HIP1: variants seen among roughly 807,000 people sequenced by gnomAD.
HIP1 encodes huntingtin interacting protein 1.
HIP1 carries 65 observed loss-of-function variants against 147.6 expected under a neutral mutation model. The ratio of observed to expected loss-of-function variants is 0.44; its 90% CI spans 0.36 to 0.54. The LOEUF (loss-of-function observed/expected upper bound fraction) is 0.54, where lower values mean the gene tolerates loss of function less well. Among genes scored for constraint, HIP1 ranks in the 20% least tolerant of loss-of-function variants. The pLI, the probability that HIP1 is intolerant of heterozygous loss-of-function variation, is 0.00. For synonymous variants in HIP1, 479 were observed against 504.0 expected (o/e 0.95, Z 0.67); for missense variants, 1,061 against 1,299.6 (o/e 0.82, Z 2.82).
chr7:75,540,915 A>C (rs1439263874), intron 29 of HIP1, among the ~76,000 whole-genome samples: 1 of 152,170 alleles, frequency 6.6e-6, no homozygotes, highest in Non-Finnish European at 1.5e-5. Context: ...GGATACTAAG[A>C]GATCCTGGAT....
At chr7:75,662,778 G>A (rs1271490246) in intron 1 of HIP1, among the ~76,000 whole-genome samples, 5 of 152,100 alleles carry the variant, frequency 3.3e-5, no homozygotes, top group East Asian at 3.9e-4. Flanking sequence ...AGTGAGCCAC[G>A]GTGCCTGGCC....
intron 1 of HIP1, among the ~76,000 whole-genome samples, chr7:75,684,918 C>T (rs1359938711): frequency 2.0e-5 from 3 of 151,694 alleles, no homozygotes; most frequent in Middle Eastern, 3.4e-3. Flanking sequence ...GGTGAAACCC[C>T]GTCTCTACTA....
rs1464467629 is a variant in HIP1, at chr7:75,623,477, G to C, written c.121-24230C>G. Among the ~76,000 whole-genome samples the C allele has an allele frequency of 3.3e-5, 5 of 152,322 alleles. No homozygotes were observed. In the East Asian group the frequency reaches 5.8e-4, roughly 18 times the overall value. On this transcript the variant is annotated intron_variant, in intron 1 of 30. Coordinates refer to ENST00000336926, the MANE Select transcript of HIP1 (RefSeq NM_005338.7). ...CTGGTGCCCAGCAGGAGGGCAGGCT[G>C]GGCCAGATCCCACAGTACAGACACA...
chr7:75,552,480 G>C (rs1766249065), intron 22 of HIP1, among the ~76,000 whole-genome samples: 1 of 151,908 alleles, frequency 6.6e-6, no homozygotes, highest in African/African-American at 2.4e-5. Flanking sequence ...CTCCCGAGTA[G>C]CTGGGACTAC....
chr7:75,727,787 A>C (rs1000905647), intron 1 of HIP1, among the ~76,000 whole-genome samples: 1 of 150,866 alleles, frequency 6.6e-6, no homozygotes, highest in Non-Finnish European at 1.5e-5. Context: ...AGGAGGTTGC[A>C]GTGAGCTGAG....
chr7:75,657,045 G>A (rs1252560302), intron 1 of HIP1, among the ~76,000 whole-genome samples: 3 of 152,134 alleles, frequency 2.0e-5, no homozygotes, highest in African/African-American at 4.8e-5. Context: ...AAGTTGACCC[G>A]GCAATCCCAT....
At chr7:75,633,388 G>A (rs1563258654) in intron 1 of HIP1, among the ~76,000 whole-genome samples, 2 of 152,186 alleles carry the variant, frequency 1.3e-5, no homozygotes, top group African/African-American at 2.4e-5. Context: ...TGCTTCCCGG[G>A]TTCAAGCAAT....
chr7:75,580,182 C>A (rs1371606724), intron 7 of HIP1, among the ~76,000 whole-genome samples: 12 of 152,156 alleles, frequency 7.9e-5, no homozygotes, highest in Admixed American at 7.9e-4. Flanking sequence ...CAATCCTGAC[C>A]AGCTTGTTTC....
rs1243121591 is a variant in HIP1 at position 75,575,406 on chromosome 7, G to C, written c.605-1505C>G. On this transcript the variant is annotated intron_variant, in intron 7 of 30. Coordinates refer to ENST00000336926, the MANE Select transcript of HIP1 (RefSeq NM_005338.7). ...GCCTGGAAGGTGGAGGTTGCAGTGA[G>C]CTGAGACGGTGCCACTGCACTCCAG... is the stretch of plus-strand genomic sequence containing the variant. Among the ~76,000 whole-genome samples the C allele has an allele frequency of 3.3e-5, 5 of 152,170 alleles. No individual in the cohort carries two copies. The East Asian group carries it at 9.6e-4, about 29-fold the overall frequency.
chr7:75,642,236 A>G (rs929720435), intron 1 of HIP1, among the ~76,000 whole-genome samples: 3 of 152,172 alleles, frequency 2.0e-5, no homozygotes, highest in Admixed American at 6.5e-5. Context: ...TGTCTTCAAA[A>G]CAAAACAAAA....
At chr7:75,692,684 C>T (rs1800503671) in intron 1 of HIP1, among the ~76,000 whole-genome samples, 1 of 151,526 alleles carries the variant, frequency 6.6e-6, no homozygotes. Flanking sequence ...CCCGCCTTGG[C>T]CTCCCGAAGT....
intron 2 of HIP1, among the ~76,000 whole-genome samples, chr7:75,592,800 ATTT>A (rs1796550409): frequency 6.6e-6 from 1 of 152,184 alleles, no homozygotes; most frequent in South Asian, 2.1e-4. Flanking sequence ...GGGAATACTT[ATTT>A]TAATAAAATC....
intron 4 of HIP1, among the ~76,000 whole-genome samples, chr7:75,588,009 C>T (rs189359): frequency 0.12 from 18,490 of 151,972 alleles, 1,370 homozygotes; most frequent in African/African-American, 0.2. Context: ...AGACTGCCTC[C>T]TTGGTATAGG....
chr7:75,614,073 CCTGG>C (rs1554505532), intron 1 of HIP1, among the ~76,000 whole-genome samples: 1 of 152,222 alleles, frequency 6.6e-6, no homozygotes, highest in East Asian at 1.9e-4. Flanking sequence ...TGCCACCACA[CCTGG>C]CTAATTTTTA....
intron 22 of HIP1, among the ~76,000 whole-genome samples, chr7:75,552,870 T>A (rs1554492378): frequency 6.6e-6 from 1 of 151,602 alleles, no homozygotes. Flanking sequence ...TTAAATTTTT[T>A]TTTTTTTAAT....
intron 1 of HIP1, among the ~76,000 whole-genome samples, chr7:75,697,770 C>A (rs1236049877): frequency 1.3e-5 from 2 of 152,188 alleles, no homozygotes; most frequent in Non-Finnish European, 2.9e-5. Flanking sequence ...CAAGACTGTG[C>A]CACTACACTC....
chr7:75,572,736 C>G (rs1795691341), intron 8 of HIP1, among the ~76,000 whole-genome samples: 2 of 152,164 alleles, frequency 1.3e-5, no homozygotes, highest in South Asian at 4.1e-4. Context: ...CCGGAGCAGG[C>G]AGGAACCCTA....
intron 1 of HIP1, among the ~76,000 whole-genome samples, chr7:75,632,317 T>A (rs753293927): frequency 1.3e-5 from 2 of 152,174 alleles, no homozygotes; most frequent in Non-Finnish European, 2.9e-5. Flanking sequence ...GTGAATTGAA[T>A]GGAACCTCAT....
intron 1 of HIP1, among the ~76,000 whole-genome samples, chr7:75,695,933 TATG>T (rs1800621000): frequency 6.6e-6 from 1 of 151,932 alleles, no homozygotes; most frequent in Non-Finnish European, 1.5e-5. Flanking sequence ...GTGCCTCCAG[TATG>T]ATGTCTCCCA....
Sources: gnomAD v4.1 joint callset for allele counts (sites outside exome capture counted in the v4.1 genomes callset) on GRCh38, gnomAD v4.1.1 for gene constraint, MANE v1.5 for transcripts, NCBI Gene and HGNC (gene_info 2026-07-23, HGNC 2026-07-21) for gene names.